MCTP1: variants seen among roughly 807,000 people sequenced by gnomAD.
MCTP1 encodes multiple C2 and transmembrane domain containing 1, also known as multiple C2 and transmembrane domain-containing protein 1.
In MCTP1, 69 loss-of-function variants were observed where a neutral mutation model predicts 120.6. The observed-to-expected ratio is 0.57, with a 90% confidence interval of 0.47 to 0.70. The LOEUF is 0.70. Ranked by LOEUF, MCTP1 falls within the 30% of genes least tolerant of loss-of-function variation. The pLI is 0.00. For synonymous variants in MCTP1, 529 were observed against 493.1 expected, an observed-to-expected ratio of 1.07 and a Z score of -0.96; for missense variants, 1,203 against 1,248.8, an observed-to-expected ratio of 0.96 and a Z score of 0.55.
At chr5:95,125,421 C>A (rs1758548412) in intron 1 of MCTP1, among the ~76,000 whole-genome samples, 1 of 152,202 alleles carries the variant, frequency 6.6e-6, no homozygotes. Context: ...AGTCTCCACG[C>A]CTTTTCTCCT....
chr5:94,754,760 C>T (rs1769356745), intron 19 of MCTP1, among the ~76,000 whole-genome samples: 1 of 152,120 alleles, frequency 6.6e-6, no homozygotes, highest in Admixed American at 6.5e-5. Context: ...CACAGTAACA[C>T]AATTACCTAG....
chr5:95,126,784 T>C (rs1562164615), intron 1 of MCTP1, among the ~76,000 whole-genome samples: 1 of 152,180 alleles, frequency 6.6e-6, no homozygotes, highest in East Asian at 1.9e-4. Flanking sequence ...TAAGAAGGCT[T>C]TTTTTTCAAT....
At chr5:94,848,026 G>C (rs575738815) in intron 17 of MCTP1, among the ~76,000 whole-genome samples, 11 of 151,902 alleles carry the variant, frequency 7.2e-5, no homozygotes, top group African/African-American at 1.2e-4. Context: ...GTTTGGGGAG[G>C]GGGTGGTGAG....
chr5:95,249,135 T>C (rs1757122433), intron 1 of MCTP1, among the ~76,000 whole-genome samples: 1 of 152,084 alleles, frequency 6.6e-6, no homozygotes, highest in African/African-American at 2.4e-5. Context: ...CCAAAAGCAA[T>C]GGCAACAAAA....
At chr5:95,144,642 A>G (rs1005223758) in intron 1 of MCTP1, among the ~76,000 whole-genome samples, 1 of 152,092 alleles carries the variant, frequency 6.6e-6, no homozygotes, top group Admixed American at 6.5e-5. Context: ...AGTTATCCCA[A>G]CGCCATTTAT....
intron 1 of MCTP1, among the ~76,000 whole-genome samples, chr5:95,259,382 G>T (rs940252259): frequency 2.6e-5 from 4 of 152,096 alleles, no homozygotes; most frequent in African/African-American, 9.7e-5. Flanking sequence ...AATATGCCTG[G>T]AACAGTATAT....
intron 21 of MCTP1, 199 bp from the exon 22 acceptor site, chr5:94,708,808 A>AGGAAAGGCT: frequency 2.1e-6 from 1 of 466,688 alleles, no homozygotes; most frequent in Non-Finnish European, 3.9e-6. Flanking sequence ...TCTTCCAAGC[A>AGGAAAGGCT]GGAAAGGCTT....
intron 1 of MCTP1, among the ~76,000 whole-genome samples, chr5:95,092,553 A>C (rs1282413175): frequency 6.6e-6 from 1 of 152,186 alleles, no homozygotes. Flanking sequence ...AGAAATGATG[A>C]ATGTTTGAGG....
chr5:94,936,285 G>A (rs1198980775), intron 5 of MCTP1, among the ~76,000 whole-genome samples: 1 of 151,932 alleles, frequency 6.6e-6, no homozygotes, highest in Admixed American at 6.6e-5. Context: ...TCATCATAAG[G>A]AAGACTTTAT....
In MCTP1 at chr5:95,024,648, T is replaced by TACACACACACACACAC. The variant is rs111890273; in HGVS notation, c.721-7180_721-7165dup. On this transcript the variant is annotated intron_variant, in intron 1 of 22. Coordinates refer to ENST00000515393, the MANE Select transcript of MCTP1 (RefSeq NM_024717.7). The stretch of plus-strand genomic sequence containing the variant: ...GAGAAAGAAATGAAAGGCATTCAAA[T>TACACACACACACACAC]ACACACACACACACACACACACACA... Among the ~76,000 whole-genome samples, 1,027 of 146,338 alleles carry TACACACACACACACAC rather than the reference T, an allele frequency of 7.0e-3. 13 individuals carry two copies. Among genetic ancestry groups the TACACACACACACACAC allele is most frequent in the African/African-American group, 0.021 (822 of 39,402 alleles).
At chr5:95,208,159 G>A (rs1168174344) in intron 1 of MCTP1, among the ~76,000 whole-genome samples, 1 of 152,078 alleles carries the variant, frequency 6.6e-6, no homozygotes, top group African/African-American at 2.4e-5. Flanking sequence ...GCATGATCTC[G>A]GCTCACTGCA....
At chr5:95,278,939 G>A (rs564625303) in intron 1 of MCTP1, among the ~76,000 whole-genome samples, 1 of 148,566 alleles carries the variant, frequency 6.7e-6, no homozygotes, top group Non-Finnish European at 1.5e-5. Flanking sequence ...TCCAGCCTGG[G>A]CAACAAGAGC....
At chr5:95,117,265 C>T (rs1040664052) in intron 1 of MCTP1, among the ~76,000 whole-genome samples, 1 of 151,976 alleles carries the variant, frequency 6.6e-6, no homozygotes, top group Admixed American at 6.6e-5. Flanking sequence ...GTGGCAGGCG[C>T]CTGTAGTCCC....
At chr5:95,080,713 C>T (rs891107381) in intron 1 of MCTP1, among the ~76,000 whole-genome samples, 5 of 152,146 alleles carry the variant, frequency 3.3e-5, no homozygotes, top group Non-Finnish European at 5.9e-5. Flanking sequence ...TTTGAATTAG[C>T]TTTAAGCAAG....
At chr5:95,148,632 C>T (rs1160114422) in intron 1 of MCTP1, among the ~76,000 whole-genome samples, 1 of 152,124 alleles carries the variant, frequency 6.6e-6, no homozygotes, top group African/African-American at 2.4e-5. Context: ...GATTGGGTTT[C>T]AACTTTTTCT....
At chr5:94,739,440 A>C (rs1382780252) in intron 19 of MCTP1, 1 of 152,100 alleles carries the variant, frequency 6.6e-6, no homozygotes, top group Admixed American at 6.5e-5. Flanking sequence ...ATTAATTTAA[A>C]TATATCATGG....
intron 1 of MCTP1, among the ~76,000 whole-genome samples, chr5:95,272,119 A>G (rs1488039924): frequency 6.6e-6 from 1 of 152,240 alleles, no homozygotes; most frequent in Non-Finnish European, 1.5e-5. Flanking sequence ...TGCATGAAAG[A>G]GTAGGCATGT....
intron 17 of MCTP1, among the ~76,000 whole-genome samples, chr5:94,859,731 G>A (rs1795384465): frequency 2.0e-5 from 3 of 151,796 alleles, no homozygotes; most frequent in Admixed American, 2.0e-4. Flanking sequence ...ACTTTTCTGA[G>A]TGCTACCCAT....
At chr5:95,176,602 C>T (rs543882738) in intron 1 of MCTP1, among the ~76,000 whole-genome samples, 1 of 152,274 alleles carries the variant, frequency 6.6e-6, no homozygotes, top group East Asian at 1.9e-4. Flanking sequence ...CATATACATA[C>T]TTTGGGAGGC....
Sources: gnomAD v4.1 joint callset for allele counts (sites outside exome capture counted in the v4.1 genomes callset) on GRCh38, gnomAD v4.1.1 for gene constraint, MANE v1.5 for transcripts, NCBI Gene and HGNC (gene_info 2026-07-23, HGNC 2026-07-21) for gene names.